AHCYL1: variants seen among roughly 807,000 people sequenced by gnomAD.
AHCYL1 encodes adenosylhomocysteinase like 1.
A neutral mutation model predicts 79.3 loss-of-function variants in AHCYL1; 20 were observed. The observed-to-expected ratio is 0.25, with a 90% CI of 0.18 to 0.37. The LOEUF (loss-of-function observed/expected upper bound fraction) is 0.37, where lower values mean the gene tolerates loss of function less well. AHCYL1 is among the 10% of genes least tolerant of loss of function. The pLI is 1.00. For synonymous variants in AHCYL1, 223 were observed against 242.2 expected, an observed-to-expected ratio of 0.92 and a Z score of 0.74; for missense variants, 330 against 673.6, an observed-to-expected ratio of 0.49 and a Z score of 5.65.
chr1:110,021,577 G>T (rs1019819115), intron 16 of AHCYL1, 97 bp from the exon 17 acceptor site: 1 of 1,238,300 alleles, frequency 8.1e-7, no homozygotes, highest in Non-Finnish European at 1.2e-6. Flanking sequence ...ACCCAGGCTG[G>T]GGAGGGGCCC....
intron 1 of AHCYL1, among the ~76,000 whole-genome samples, chr1:109,996,424 G>T (rs1189985990): frequency 1.3e-5 from 2 of 152,204 alleles, no homozygotes; most frequent in East Asian, 3.8e-4. Context: ...CACTTAGGGT[G>T]CATCAGTGAA....
chr1:110,013,011 T>C lies in AHCYL1; in HGVS notation c.580+12T>C. 6.3e-7 allele frequency: 1 copy of C among 1,596,828 alleles called. No individual in the cohort carries two copies. The highest frequency in any genetic ancestry group is 8.5e-7 in the Non-Finnish European group (1 of 1,173,632). ...ACTGGCTGAGGCTGGTAAGTTCGGT[T>C]TTTTCCCACCAACTTTGCCCCAAAA... On this transcript the variant is annotated intron_variant, in intron 5 of 16. Transcript: ENST00000369799.
intron 4 of AHCYL1, 84 bp downstream of exon 4, chr1:110,012,546 C>T: frequency 9.2e-7 from 1 of 1,081,370 alleles, no homozygotes; most frequent in Non-Finnish European, 1.3e-6. Flanking sequence ...CCTTTCCTAA[C>T]TCGCCAACCT....
intron 1 of AHCYL1, chr1:110,003,900 C>T: frequency 1.0e-6 from 1 of 985,026 alleles, no homozygotes; most frequent in African/African-American, 1.7e-5. Context: ...TACTCATTGA[C>T]TGGAGCACTT....
intron 13 of AHCYL1, 121 bp from the exon 14 acceptor site, chr1:110,018,930 T>C: frequency 1.1e-6 from 1 of 946,004 alleles, no homozygotes; most frequent in Non-Finnish European, 1.7e-6. Flanking sequence ...TCTGGAACTG[T>C]AATTCTTCCT....
At chr1:109,988,398 A>T (rs1203939985) in intron 1 of AHCYL1, among the ~76,000 whole-genome samples, 5 of 152,262 alleles carry the variant, frequency 3.3e-5, no homozygotes, top group Admixed American at 2.0e-4. Flanking sequence ...CAACTGAAGA[A>T]GATCCTTGTT....
intron 1 of AHCYL1, among the ~76,000 whole-genome samples, chr1:110,004,954 A>G (rs1435562050): frequency 6.6e-6 from 1 of 152,224 alleles, no homozygotes; most frequent in Non-Finnish European, 1.5e-5. Context: ...CTTAGTAATG[A>G]TGATCTTGTT....
intron 3 of AHCYL1, 102 bp downstream of exon 3, chr1:110,011,459 G>A (rs1651024777): frequency 6.7e-7 from 1 of 1,492,052 alleles, no homozygotes; most frequent in African/African-American, 1.4e-5. Flanking sequence ...AAAGTGTACT[G>A]GGAAGAAAGA....
At chr1:110,012,791 A>C (rs893348476) in intron 4 of AHCYL1, 106 bp from the exon 5 acceptor site, 4 of 781,234 alleles carry the variant, frequency 5.1e-6, no homozygotes, top group Admixed American at 3.2e-5. Flanking sequence ...CCAGTGTAGC[A>C]CCTGTTGGTG....
intron 2 of AHCYL1, 77 bp from the exon 3 acceptor site, chr1:110,011,137 C>T (rs1032178138): frequency 2.9e-5 from 45 of 1,549,366 alleles, no homozygotes; most frequent in African/African-American, 5.6e-5. Flanking sequence ...AAATGAAAGT[C>T]CCTTGGGGAC....
At chr1:109,999,631 C>T (rs1168991879) in intron 1 of AHCYL1, among the ~76,000 whole-genome samples, 1 of 151,684 alleles carries the variant, frequency 6.6e-6, no homozygotes, top group Non-Finnish European at 1.5e-5. Flanking sequence ...AAAATAATAG[C>T]CTTACAAGAA....
chr1:110,013,489 C>T (rs927187768), intron 5 of AHCYL1, among the ~76,000 whole-genome samples: 2 of 152,290 alleles, frequency 1.3e-5, no homozygotes, highest in Admixed American at 1.3e-4. Flanking sequence ...GCGGGCAGAT[C>T]ACTTGAGGCC....
chr1:109,984,919 C>T lies in AHCYL1; in HGVS notation c.-134C>T. ...TGGGCCACAGCACCTCAGAAGCCGA[C>T]GCAGCTCGACGCAGGGGCCGGCAGG... On this transcript the variant is annotated 5_prime_UTR_variant, in exon 1 of 17. In the 5' UTR this introduces an upstream ATG that the reference lacks. Coordinates refer to ENST00000369799, the MANE Select transcript of AHCYL1 (RefSeq NM_006621.7). The T allele has an allele frequency of 3.1e-6, 4 of 1,297,324 alleles. No individual in the cohort carries two copies. Among genetic ancestry groups the T allele is most frequent in the South Asian group, 2.1e-5 (1 of 48,544 alleles). The allele number at this position is 1,297,324 out of a possible 1,614,324, so 80.4% of individuals were successfully genotyped here.
Position 110,018,585 on chromosome 1 carries a change from C to T in AHCYL1, c.1252C>T (p.Arg418Ter). Reference protein sequence around the residue: ...SLRTPELTWERVRSQVDHVIW... With the variant: ...SLRTPELTWE ...CCGCACTCCGGAGCTGACGTGGGAG[C>T]GAGTACGTTCTCAGGTGGACCATGT... The change falls in exon 13 of 17, where the codon CGA (arginine) becomes TGA (stop). Residue 418 changes from arginine to a stop codon, truncating the protein, a stop_gained. Coordinates refer to ENST00000369799, the MANE Select transcript of AHCYL1 (RefSeq NM_006621.7). LOFTEE classifies it high-confidence loss of function. 1.2e-6 allele frequency: 2 copies of T among 1,614,038 alleles called. No individual in the cohort carries two copies. The highest frequency in any genetic ancestry group is 1.7e-6 in the Non-Finnish European group (2 of 1,179,988).
intron 1 of AHCYL1, among the ~76,000 whole-genome samples, chr1:109,989,977 C>G (rs773157031): frequency 1.1e-4 from 16 of 152,220 alleles, no homozygotes; most frequent in Admixed American, 3.9e-4. Flanking sequence ...TCAATACTAT[C>G]AGTGCCTATT....
Position 109,985,005 on chromosome 1 carries a change from GA to G in AHCYL1, c.-45del. 2 of 1,483,026 alleles carry G rather than the reference GA, an allele frequency of 1.3e-6. No individual in the cohort carries two copies. The highest frequency in any genetic ancestry group is 1.3e-5 in the South Asian group (1 of 77,050). 91.9% of individuals were successfully genotyped at this position (1,483,026 alleles called of 1,614,324 possible). A position where few individuals can be genotyped will look rare whatever the true frequency, so the allele number is the denominator to read the frequency against. ...GGCAGGCGGGCGGGCGCCAGAGGGG[GA>G]AAGAGGCGGGGGCGGCGGGTCAGCC... On this transcript the variant is annotated 5_prime_UTR_variant, in exon 1 of 17. Coordinates refer to ENST00000369799, the MANE Select transcript of AHCYL1 (RefSeq NM_006621.7).
At chr1:109,990,338 G>T (rs985694076) in intron 1 of AHCYL1, among the ~76,000 whole-genome samples, 18 of 152,200 alleles carry the variant, frequency 1.2e-4, no homozygotes, top group Admixed American at 3.3e-4. Flanking sequence ...AATTAGTGGG[G>T]TTTTTTTGTA....
chr1:110,019,238 A>C, intron 14 of AHCYL1, 119 bp downstream of exon 14: 1 of 1,079,342 alleles, frequency 9.3e-7, no homozygotes, highest in Admixed American at 2.1e-5. Context: ...TGATGTAATA[A>C]ATTGTGGAAA....
chr1:110,019,181 T>C lies in AHCYL1; in HGVS notation c.1386+62T>C, dbSNP rs1377366193. 5 of 1,473,036 alleles carry C rather than the reference T, an allele frequency of 3.4e-6. No homozygotes were observed. In the East Asian group the frequency reaches 1.1e-4, roughly 33 times the overall value. 91.2% of individuals were successfully genotyped at this position (1,473,036 alleles called of 1,614,324 possible). A position where few individuals can be genotyped will look rare whatever the true frequency, so the allele number is the denominator to read the frequency against. On this transcript the variant is annotated intron_variant, in intron 14 of 16. Transcript: ENST00000369799. ...TTTGTGGAACTGGGCGTAGATCAGT[T>C]CCAGTGAGGGTGTACTGTACTATGT...
Sources: gnomAD v4.1 joint callset for allele counts (sites outside exome capture counted in the v4.1 genomes callset) on GRCh38, gnomAD v4.1.1 for gene constraint, MANE v1.5 for transcripts, NCBI Gene and HGNC (gene_info 2026-07-23, HGNC 2026-07-21) for gene names.